Variants in THOC2 observed in about 807,000 individuals in gnomAD.
THOC2 encodes the protein THO complex subunit 2, also known as THO complex 2.
A neutral mutation model predicts 128.4 loss-of-function variants in THOC2; 10 were observed. That is an observed-to-expected ratio of 0.08 (90% CI 0.05 to 0.13). The LOEUF (loss-of-function observed/expected upper bound fraction) is 0.13. Among genes scored for constraint, THOC2 ranks in the 10% least tolerant of loss-of-function variants. THOC2 has a pLI of 1.00. For synonymous variants in THOC2, 393 were observed against 396.9 expected (o/e 0.99, Z 0.12); for missense variants, 535 against 1,155.7 (o/e 0.46, Z 7.79).
intron 1 of THOC2, among the ~76,000 whole-genome samples, chrX:123,718,951 G>A (rs1483392543): frequency 4.5e-5 from 5 of 110,270 alleles, no homozygotes; most frequent in African/African-American, 1.7e-4. Context: ...CGAGGTGGGC[G>A]GATCATGAGG....
intron 38 of THOC2, 131 bp downstream of exon 38, chrX:123,610,787 G>T: frequency 2.0e-6 from 1 of 506,257 alleles, no homozygotes; most frequent in Non-Finnish European, 3.2e-6. Flanking sequence ...TATACCCGAA[G>T]ACTTGGTCGT....
At chrX:123,694,632 A>G (rs1277042868) in intron 7 of THOC2, among the ~76,000 whole-genome samples, 5 of 107,533 alleles carry the variant, frequency 4.6e-5, no homozygotes, top group East Asian at 2.9e-4. Context: ...AAAAAAAAAG[A>G]GAAAGAAAGA....
At chrX:123,623,009 A>T in intron 29 of THOC2, 96 bp downstream of exon 29, 1 of 945,953 alleles carries the variant, frequency 1.1e-6, no homozygotes, top group Non-Finnish European at 1.5e-6. Flanking sequence ...AATAAAAAGT[A>T]ATACTAAGCC....
At chrX:123,724,620 G>C (rs1005591323) in intron 1 of THOC2, among the ~76,000 whole-genome samples, 3 of 111,656 alleles carry the variant, frequency 2.7e-5, no homozygotes, top group Non-Finnish European at 5.6e-5. Flanking sequence ...AGGAGGCAGA[G>C]GTTGCAGTGA....
chrX:123,615,621 G>A (rs1256513008), intron 33 of THOC2, among the ~76,000 whole-genome samples: 7 of 95,285 alleles, frequency 7.3e-5, no homozygotes, highest in African/African-American at 2.7e-4. Context: ...ACTTCTCTAA[G>A]TAGTAATTTT....
At chrX:123,667,555 T>C (rs192999141) in intron 10 of THOC2, among the ~76,000 whole-genome samples, 38 of 110,602 alleles carry the variant, frequency 3.4e-4, no homozygotes, top group African/African-American at 1.1e-3. Context: ...CTGGGCAACA[T>C]GGCGAAATCC....
chrX:123,615,562 T>A (rs1311547983), intron 33 of THOC2, among the ~76,000 whole-genome samples: 1 of 109,034 alleles, frequency 9.2e-6, no homozygotes, highest in East Asian at 2.8e-4. Context: ...TAACATTATT[T>A]ATGAAAATGA....
In THOC2 at chrX:123,614,060, G is replaced by A; in HGVS notation, c.4441C>T (p.Arg1481Trp). Residue 1481 changes from arginine to tryptophan, a missense_variant, in exon 34 of 39, where the codon CGG (arginine) becomes TGG (tryptophan). Transcript: ENST00000245838. The stretch of plus-strand genomic sequence containing the variant: ...AAAAAAATTTTACAAACCCTTTTCC[G>A]CTCTTTCCTGTCCTTTTCATCTTTT... ...EKKDEKDRKE[R>W]KRDHSNNDRE... is the part of the protein sequence containing the mutation. The A allele has an allele frequency of 1.7e-6, 2 of 1,200,934 alleles. No individual in the cohort carries two copies. Among genetic ancestry groups the A allele is most frequent in the Non-Finnish European group, 2.2e-6 (2 of 892,320 alleles).
Position 123,623,839 on chromosome X carries a change from T to C in THOC2, c.3451A>G (p.Ile1151Val). 2 of 1,210,983 alleles carry C rather than the reference T, an allele frequency of 1.7e-6. No individual in the cohort carries two copies. Among genetic ancestry groups the C allele is most frequent in the Non-Finnish European group, 2.2e-6 (2 of 895,277 alleles). Residue 1151 changes from isoleucine to valine, a missense_variant, in exon 28 of 39, where the codon ATC (isoleucine) becomes GTC (valine). Transcript: ENST00000245838. Reference protein sequence around the residue: ...GQALERRVHKICQEEKEKRPD... With the variant: ...GQALERRVHKVCQEEKEKRPD... ...CTCTTCTCTTTTTCTTCTTGGCAGA[T>C]TTTGTGTACTCTTCTTTCCAAAGCT... is the stretch of plus-strand genomic sequence containing the variant.
Position 123,692,798 on chromosome X carries a change from A to G in THOC2, c.601+3223T>C, listed in dbSNP as rs188657902. Among the ~76,000 whole-genome samples, 31 of 111,565 alleles carry G rather than the reference A, an allele frequency of 2.8e-4. 1 individual carries two copies. Among genetic ancestry groups the G allele is most frequent in the African/African-American group, 1.0e-3 (31 of 30,735 alleles). On this transcript the variant is annotated intron_variant, in intron 7 of 38. Coordinates refer to ENST00000245838, the MANE Select transcript of THOC2 (RefSeq NM_001081550.2). ...ATTACAAGCTTCAGCCACCGCATCCAGCCAAATAACTGCCTTTTAACTAAA... is the reference window on the plus strand; with the variant it reads ...ATTACAAGCTTCAGCCACCGCATCCGGCCAAATAACTGCCTTTTAACTAAA...
chrX:123,657,021 G>T (rs1187936366), intron 12 of THOC2, among the ~76,000 whole-genome samples: 1 of 111,013 alleles, frequency 9.0e-6, no homozygotes, highest in Non-Finnish European at 1.9e-5. Context: ...AAAAAAAAGG[G>T]CAGGGGCAAT....
intron 38 of THOC2, among the ~76,000 whole-genome samples, chrX:123,608,823 A>G (rs1040186003): frequency 3.6e-5 from 4 of 112,538 alleles, no homozygotes; most frequent in Non-Finnish European, 5.6e-5. Context: ...AAAGTTGTCA[A>G]TGAGGAATTC....
chrX:123,704,731 G>A lies in THOC2; in HGVS notation c.223-1226C>T, dbSNP rs887476055. Among the ~76,000 whole-genome samples the A allele has an allele frequency of 1.4e-4, 16 of 111,235 alleles. No homozygotes were observed. In the Admixed American group the frequency reaches 1.4e-3, roughly 10 times the overall value. The stretch of plus-strand genomic sequence containing the variant: ...AAATTAGCCGGGTGTGGTGGCATGC[G>A]CCTGTAATCCCAGCTACTCGGGAGG... On this transcript the variant is annotated intron_variant, in intron 3 of 38. Transcript: ENST00000245838.
At chrX:123,710,882 C>G (rs750336196) in intron 2 of THOC2, among the ~76,000 whole-genome samples, 6 of 102,876 alleles carry the variant, frequency 5.8e-5, no homozygotes, top group East Asian at 3.3e-4. Context: ...CCTAGCTACT[C>G]GGGAGGCTGA....
At chrX:123,675,251 T>C (rs2147832262) in intron 8 of THOC2, among the ~76,000 whole-genome samples, 1 of 111,830 alleles carries the variant, frequency 8.9e-6, no homozygotes, top group Non-Finnish European at 1.9e-5. Context: ...CTTTTCATAA[T>C]TTTTATCTCT....
chrX:123,632,753 T>C, intron 21 of THOC2, 108 bp downstream of exon 21: 1 of 613,742 alleles, frequency 1.6e-6, no homozygotes, highest in Non-Finnish European at 2.5e-6. Context: ...TTAGGATGTC[T>C]CATATTCAAA....
chrX:123,656,019 G>GA (rs769477109), intron 12 of THOC2, among the ~76,000 whole-genome samples: 1,590 of 102,788 alleles, frequency 0.015, 15 homozygotes, highest in Non-Finnish European at 0.026. Flanking sequence ...TCTGTCTGGG[G>GA]AAAAAAAAAA....
chrX:123,706,189 C>T (rs948627802), intron 3 of THOC2, among the ~76,000 whole-genome samples: 1 of 110,774 alleles, frequency 9.0e-6, no homozygotes, highest in Non-Finnish European at 1.9e-5. Flanking sequence ...AAAACTAGCA[C>T]CAAGTGAATG....
intron 4 of THOC2, among the ~76,000 whole-genome samples, chrX:123,701,260 A>G (rs756416841): frequency 1.2e-4 from 14 of 112,006 alleles, no homozygotes; most frequent in Non-Finnish European, 2.6e-4. Flanking sequence ...GGAGGCTGAG[A>G]CAGGAGAATC....
Sources: gnomAD v4.1 joint callset for allele counts (sites outside exome capture counted in the v4.1 genomes callset) on GRCh38, gnomAD v4.1.1 for gene constraint, MANE v1.5 for transcripts, NCBI Gene and HGNC (gene_info 2026-07-23, HGNC 2026-07-21) for gene names.